Variants in CRACDL observed in about 807,000 individuals in gnomAD.
The protein encoded by CRACDL is CRACD like.
CRACDL carries 26 observed loss-of-function variants against 70.6 expected under a neutral mutation model. The ratio of observed to expected loss-of-function variants is 0.37; its 90% CI spans 0.27 to 0.51. The LOEUF is 0.51. Among genes scored for constraint, CRACDL ranks in the 20% least tolerant of loss-of-function variants. The pLI, the probability that CRACDL is intolerant of heterozygous loss-of-function variation, is 0.94. For synonymous variants in CRACDL, 618 were observed against 615.2 expected, an observed-to-expected ratio of 1.00 and a Z score of -0.07; for missense variants, 1,283 against 1,376.9, an observed-to-expected ratio of 0.93 and a Z score of 1.08.
At chr2:98,858,509 T>TGTC (rs1706800079) in intron 1 of CRACDL, among the ~76,000 whole-genome samples, 1 of 123,476 alleles carries the variant, frequency 8.1e-6, no homozygotes, top group Admixed American at 9.7e-5. Flanking sequence ...AGTGAGACTC[T>TGTC]GTCAAAAAAA....
At chr2:98,877,852 T>G (rs1707527071) in intron 1 of CRACDL, among the ~76,000 whole-genome samples, 1 of 152,154 alleles carries the variant, frequency 6.6e-6, no homozygotes, top group Admixed American at 6.5e-5. Context: ...GCTTTCATAT[T>G]CACTCACTAC....
At chr2:98,875,307 G>A (rs868921) in intron 1 of CRACDL, among the ~76,000 whole-genome samples, 7,237 of 152,294 alleles carry the variant, frequency 0.048, 319 homozygotes, top group South Asian at 0.17. Flanking sequence ...GTCACCTAGT[G>A]GGAAAGGCAC....
intron 1 of CRACDL, among the ~76,000 whole-genome samples, chr2:98,848,600 ATTTAATCCCCAAGAACT>A (rs1706355112): frequency 6.6e-6 from 1 of 152,156 alleles, no homozygotes; most frequent in South Asian, 2.1e-4. Context: ...GAATTATCTC[ATTTAATCCCCAAGAACT>A]TTTAATATTC....
chr2:98,861,201 G>C (rs1200006789), intron 1 of CRACDL, among the ~76,000 whole-genome samples: 3 of 152,150 alleles, frequency 2.0e-5, no homozygotes, highest in Non-Finnish European at 4.4e-5. Flanking sequence ...ACAAAAATTA[G>C]CTGGGCGTGG....
chr2:98,900,428 G>A (rs1708249325), intron 1 of CRACDL, among the ~76,000 whole-genome samples: 1 of 151,938 alleles, frequency 6.6e-6, no homozygotes, highest in South Asian at 2.1e-4. Context: ...TGGAGGCTCA[G>A]TGGGAGGAGT....
At chr2:98,930,617 C>T (rs1284516843) in intron 1 of CRACDL, among the ~76,000 whole-genome samples, 1 of 152,004 alleles carries the variant, frequency 6.6e-6, no homozygotes, top group Non-Finnish European at 1.5e-5. Flanking sequence ...CCTGTGTCAC[C>T]TACCCCTCTT....
At chr2:98,910,994 C>T (rs376442195) in intron 1 of CRACDL, among the ~76,000 whole-genome samples, 10 of 152,334 alleles carry the variant, frequency 6.6e-5, no homozygotes, top group African/African-American at 2.4e-4. Context: ...AGATCTAAGA[C>T]ACCTTTATTT....
chr2:98,824,102 T>C (rs540274937), intron 6 of CRACDL, among the ~76,000 whole-genome samples: 1 of 152,190 alleles, frequency 6.6e-6, no homozygotes, highest in Non-Finnish European at 1.5e-5. Flanking sequence ...TCCTAAAAGA[T>C]GGCTCATATC....
chr2:98,873,866 C>T (rs1573121988), intron 1 of CRACDL, among the ~76,000 whole-genome samples: 2 of 152,250 alleles, frequency 1.3e-5, no homozygotes, highest in South Asian at 2.1e-4. Context: ...ATTAGTTGGG[C>T]GTGGTGGCAC....
chr2:98,876,197 C>T (rs543061549), intron 1 of CRACDL, among the ~76,000 whole-genome samples: 3 of 152,250 alleles, frequency 2.0e-5, no homozygotes, highest in African/African-American at 7.2e-5. Context: ...TTTCTTAAAT[C>T]GAGAGTAAAA....
chr2:98,845,129 G>C (rs1037146571), intron 2 of CRACDL, among the ~76,000 whole-genome samples: 1 of 151,978 alleles, frequency 6.6e-6, no homozygotes, highest in Non-Finnish European at 1.5e-5. Context: ...AATGATCTAA[G>C]GGCAAAGTGG....
intron 1 of CRACDL, among the ~76,000 whole-genome samples, chr2:98,900,497 A>C (rs1377518536): frequency 2.0e-5 from 3 of 152,074 alleles, no homozygotes; most frequent in African/African-American, 7.3e-5. Context: ...CCACACCTCC[A>C]ATACCCTCCT....
chr2:98,823,287 C>G lies in CRACDL; in HGVS notation c.986G>C (p.Gly329Ala), dbSNP rs1372933640. The change falls in exon 7 of 10, where the codon GGG (glycine) becomes GCG (alanine). Residue 329 changes from glycine (G) to alanine (A), a missense_variant. Transcript: ENST00000397899. This position sits in a 1 kb window ranked among gnomAD's most constrained non-coding sequence, Gnocchi z 4.0. The stretch of plus-strand genomic sequence containing the variant: ...GGCCGGGCGGCTTGAGGGGTCCTCC[C>G]CGGGGACGCCCCCCTCCTCCACGCT... The part of the protein sequence containing the change: ...TASVEEGGVP[G>A]EDPSSRPATP... 3.5e-6 allele frequency: 5 copies of G among 1,419,350 alleles called. No homozygotes were observed. The highest frequency in any genetic ancestry group is 3.1e-5 in the Admixed American group (1 of 31,900). The allele number at this position is 1,419,350 out of a possible 1,614,324, so 87.9% of individuals were successfully genotyped here. A position where few individuals can be genotyped will look rare whatever the true frequency, so the allele number is the denominator to read the frequency against.
chr2:98,835,891 G>A (rs116481625), intron 3 of CRACDL, among the ~76,000 whole-genome samples: 2,807 of 152,318 alleles, frequency 0.018, 91 homozygotes, highest in African/African-American at 0.064. Flanking sequence ...TTGGTGGAGG[G>A]ACGACAGTGA....
At chr2:98,910,334 A>G (rs1461023556) in intron 1 of CRACDL, among the ~76,000 whole-genome samples, 1 of 151,984 alleles carries the variant, frequency 6.6e-6, no homozygotes, top group Non-Finnish European at 1.5e-5. Context: ...AGCCTGACCA[A>G]CGTGGTGAAA....
At chr2:98,798,903 C>T (rs562412490) in intron 7 of CRACDL, among the ~76,000 whole-genome samples, 5 of 152,124 alleles carry the variant, frequency 3.3e-5, no homozygotes, top group East Asian at 3.9e-4. Context: ...AGGCTGGTCT[C>T]GAACTCCTGA....
At chr2:98,929,404 A>C (rs147976142) in intron 1 of CRACDL, among the ~76,000 whole-genome samples, 2 of 152,250 alleles carry the variant, frequency 1.3e-5, no homozygotes, top group African/African-American at 4.8e-5. Flanking sequence ...GCAGAGTTGT[A>C]ATCAGACCAA....
chr2:98,810,200 G>C (rs1391509731), intron 7 of CRACDL, among the ~76,000 whole-genome samples: 1 of 152,212 alleles, frequency 6.6e-6, no homozygotes, highest in Non-Finnish European at 1.5e-5. Flanking sequence ...GTCGAGTGAA[G>C]TACGCTCAAT....
Position 98,846,788 on chromosome 2 carries a change from T to C in CRACDL, c.13A>G (p.Arg5Gly). ...TCCCGAAGCTTAATGTCCATCACCC[T>C]TGTGGAAATCATGTCAAGCTCGCTG... MISTRVMDIKLREAA... is the reference protein window; with the variant it reads MISTGVMDIKLREAA... The change falls in exon 2 of 10, where the codon AGG (arginine) becomes GGG (glycine). Residue 5 changes from arginine to glycine, a missense_variant. Physicochemically the swap from Arg to Gly is moderately radical, Grantham distance 125. Transcript: ENST00000397899. The C allele has an allele frequency of 6.2e-7, 1 of 1,614,160 alleles. No individual in the cohort carries two copies. Among genetic ancestry groups the C allele is most frequent in the Non-Finnish European group, 8.5e-7 (1 of 1,179,964 alleles).
Sources: gnomAD v4.1 joint callset for allele counts (sites outside exome capture counted in the v4.1 genomes callset) on GRCh38, gnomAD v4.1.1 for gene constraint, Gnocchi (gnomAD v3.1) non-coding constraint, MANE v1.5 for transcripts, NCBI Gene and HGNC (gene_info 2026-07-23, HGNC 2026-07-21) for gene names.